The following HUNK variants were observed in gnomAD, a reference collection of about 807,000 sequenced individuals.
The protein encoded by HUNK is hormonally up-regulated neu tumor-associated kinase.
HUNK carries 21 observed loss-of-function variants against 61.0 expected under a neutral mutation model. The ratio of observed to expected loss-of-function variants is 0.34; its 90% confidence interval spans 0.24 to 0.50. The LOEUF (loss-of-function observed/expected upper bound fraction) is 0.50, where lower values mean the gene tolerates loss of function less well. Among genes scored for constraint, HUNK ranks in the 20% least tolerant of loss-of-function variants. HUNK has a pLI of 0.98. For synonymous variants in HUNK, 371 were observed against 386.1 expected (o/e 0.96, Z 0.46); for missense variants, 772 against 945.7 (o/e 0.82, Z 2.41).
intron 1 of HUNK, among the ~76,000 whole-genome samples, chr21:31,896,417 T>G (rs2052425360): frequency 6.6e-6 from 1 of 152,214 alleles, no homozygotes; most frequent in Non-Finnish European, 1.5e-5. Flanking sequence ...ACTTCTTGCC[T>G]CACTAAACTC....
chr21:31,890,365 A>G (rs2052378453), intron 1 of HUNK, among the ~76,000 whole-genome samples: 1 of 151,776 alleles, frequency 6.6e-6, no homozygotes, highest in Admixed American at 6.6e-5. Context: ...AGTAGCTGGT[A>G]TTACAGGCAC....
intron 1 of HUNK, among the ~76,000 whole-genome samples, chr21:31,883,408 A>C (rs1340578461): frequency 6.6e-6 from 1 of 151,994 alleles, no homozygotes; most frequent in African/African-American, 2.4e-5. Context: ...ATACCTTCTC[A>C]ACTGTTTGTA....
intron 5 of HUNK, among the ~76,000 whole-genome samples, chr21:31,963,230 C>G (rs1055162357): frequency 1.3e-5 from 2 of 152,142 alleles, no homozygotes; most frequent in African/African-American, 2.4e-5. Flanking sequence ...CAAGGTAAGT[C>G]CCTGTTTACC....
intron 4 of HUNK, among the ~76,000 whole-genome samples, chr21:31,958,625 C>G (rs1006039499): frequency 6.6e-6 from 1 of 152,164 alleles, no homozygotes; most frequent in Non-Finnish European, 1.5e-5. Flanking sequence ...GATGATCCAC[C>G]TCCCAAAGTG....
intron 1 of HUNK, among the ~76,000 whole-genome samples, chr21:31,922,941 C>A (rs1317419209): frequency 1.3e-5 from 2 of 152,166 alleles, no homozygotes; most frequent in African/African-American, 4.8e-5. Context: ...CCGGAGGCTC[C>A]ATAGCTGTGT....
chr21:31,884,393 A>G (rs575050376), intron 1 of HUNK, among the ~76,000 whole-genome samples: 49 of 152,270 alleles, frequency 3.2e-4, no homozygotes, highest in African/African-American at 1.2e-3. Flanking sequence ...GGAGCTTGAC[A>G]CCAGCCTGAC....
intron 4 of HUNK, among the ~76,000 whole-genome samples, chr21:31,957,424 T>C (rs550461056): frequency 1.3e-4 from 20 of 152,290 alleles, no homozygotes; most frequent in Middle Eastern, 3.4e-3. Context: ...GCGAATGATT[T>C]CTAGTGGGAG....
intron 1 of HUNK, among the ~76,000 whole-genome samples, chr21:31,890,530 G>A (rs918855392): frequency 7.9e-5 from 12 of 152,042 alleles, no homozygotes; most frequent in South Asian, 2.1e-4. Flanking sequence ...GCGCCTGGCC[G>A]GTAAATATTC....
chr21:31,906,528 G>C (rs938255662), intron 1 of HUNK, among the ~76,000 whole-genome samples: 1 of 151,910 alleles, frequency 6.6e-6, no homozygotes, highest in South Asian at 2.1e-4. Context: ...TCTGCCTCCC[G>C]GGCTCAGGCT....
chr21:31,950,198 A>G lies in HUNK; in HGVS notation c.746+4027A>G, dbSNP rs186440304. ...AATGGCTGTGGAGGAAGTGAGAGGG[A>G]TTCAGGGAACAAGATGGAGTGGCCT... is the stretch of plus-strand genomic sequence containing the variant. On this transcript the variant is annotated intron_variant, in intron 4 of 10. Coordinates refer to ENST00000270112, the MANE Select transcript of HUNK (RefSeq NM_014586.2). 6.6e-5 allele frequency among the ~76,000 whole-genome samples: 10 copies of G among 152,292 alleles called. No individual in the cohort carries two copies. In the East Asian group the frequency reaches 1.9e-3, roughly 29 times the overall value.
At chr21:31,918,176 A>G (rs756613535) in intron 1 of HUNK, among the ~76,000 whole-genome samples, 5 of 152,056 alleles carry the variant, frequency 3.3e-5, no homozygotes, top group Non-Finnish European at 5.9e-5. Context: ...GGTTTTGTGT[A>G]ATCAAGAACG....
At chr21:31,939,040 A>G (rs1220052643) in intron 2 of HUNK, among the ~76,000 whole-genome samples, 1 of 152,170 alleles carries the variant, frequency 6.6e-6, no homozygotes, top group Admixed American at 6.5e-5. Flanking sequence ...CCTGCCTTCT[A>G]GGAGCTTACA....
intron 2 of HUNK, among the ~76,000 whole-genome samples, chr21:31,932,013 ATG>A (rs1408671556): frequency 2.5e-5 from 3 of 119,702 alleles, no homozygotes; most frequent in Non-Finnish European, 5.8e-5. Flanking sequence ...ATGTGCAAAC[ATG>A]TGTACATTCA....
chr21:31,884,908 G>C (rs2052335064), intron 1 of HUNK, among the ~76,000 whole-genome samples: 1 of 151,948 alleles, frequency 6.6e-6, no homozygotes. Flanking sequence ...CTCCCGAGTA[G>C]CTGGGACTAC....
chr21:31,980,791 G>GA (rs908426149), intron 7 of HUNK, among the ~76,000 whole-genome samples: 52 of 152,040 alleles, frequency 3.4e-4, no homozygotes, highest in African/African-American at 1.2e-3. Context: ...CGCAACCTCC[G>GA]TCTCCCAGGT....
At chr21:31,875,125 C>CACTTCCCAA (rs1601353028) in intron 1 of HUNK, among the ~76,000 whole-genome samples, 1 of 152,334 alleles carries the variant, frequency 6.6e-6, no homozygotes, top group East Asian at 1.9e-4. Flanking sequence ...AGGCGGAGTT[C>CACTTCCCAA]ACTTCCCAAC....
chr21:31,935,254 C>T (rs1235154133), intron 2 of HUNK, among the ~76,000 whole-genome samples: 1 of 152,190 alleles, frequency 6.6e-6, no homozygotes, highest in Non-Finnish European at 1.5e-5. Context: ...AATCTATAGA[C>T]AATGTTTTTT....
At chr21:31,959,117 C>T in intron 5 of HUNK, 147 bp downstream of exon 5, 1 of 818,538 alleles carries the variant, frequency 1.2e-6, no homozygotes, top group Non-Finnish European at 1.7e-6. Context: ...ATAGAAGTGT[C>T]AAGGGGTGGT....
At position 32,003,047 on chromosome 21, in the gene HUNK, C is replaced by A. The variant is rs917628995; in HGVS notation, c.*3863C>A. Reference sequence around the variant, plus strand: ...AGATGGTTTAAGGACACCCCAGAGTCCCCAGATGAGCTGGCATTTGAGCTG... The same window carrying A: ...AGATGGTTTAAGGACACCCCAGAGTACCCAGATGAGCTGGCATTTGAGCTG... On this transcript the variant is annotated 3_prime_UTR_variant, in exon 11 of 11. Coordinates refer to ENST00000270112, the MANE Select transcript of HUNK (RefSeq NM_014586.2). 1.3e-5 allele frequency: 2 copies of A among 152,216 alleles called. No homozygotes were observed. Among genetic ancestry groups the A allele is most frequent in the African/African-American group, 4.8e-5 (2 of 41,432 alleles). The allele number at this position is 152,216 out of a possible 1,614,324, so 9.4% of individuals were successfully genotyped here.
Sources: allele counts gnomAD v4.1 joint callset (sites outside exome capture counted in the v4.1 genomes callset), GRCh38; gene constraint gnomAD v4.1.1; transcripts MANE v1.5; gene names NCBI Gene and HGNC (gene_info 2026-07-23, HGNC 2026-07-21).